The following KIF1B variants were observed in gnomAD, a reference collection of about 807,000 sequenced individuals.
KIF1B encodes kinesin-like protein KIF1B.
KIF1B carries 76 observed loss-of-function variants against 241.9 expected under a neutral mutation model. The ratio of observed to expected loss-of-function variants is 0.31; its 90% CI spans 0.26 to 0.38. The LOEUF is 0.38. Ranked by LOEUF, KIF1B falls within the 10% of genes least tolerant of loss-of-function variation. The pLI, the probability that KIF1B is intolerant of heterozygous loss-of-function variation, is 1.00. For synonymous variants in KIF1B, 750 were observed against 796.7 expected (o/e 0.94, Z 0.99); for missense variants, 1,622 against 2,271.4 (o/e 0.71, Z 5.81).
Position 10,377,136 on chromosome 1 carries a change from T to C in KIF1B, c.*549T>C, listed in dbSNP as rs1324518389. ...TTAGAACCTGAGAGGAAAAAAAGAG[T>C]CTTTTTTTCCCCTCTGTCTCTTTTT... On this transcript the variant is annotated 3_prime_UTR_variant, in exon 49 of 49. Transcript: ENST00000676179. 4.2e-6 allele frequency: 1 copy of C among 240,222 alleles called. No individual in the cohort carries two copies. The highest frequency in any genetic ancestry group is 2.2e-5 in the African/African-American group (1 of 45,068). 14.9% of individuals were successfully genotyped at this position (240,222 alleles called of 1,614,324 possible). A position where few individuals can be genotyped will look rare whatever the true frequency, so the allele number is the denominator to read the frequency against.
chr1:10,276,517 C>T, intron 12 of KIF1B, 118 bp downstream of exon 12: 1 of 739,806 alleles, frequency 1.4e-6, no homozygotes, highest in South Asian at 1.5e-5. Flanking sequence ...ATGTTCCTTT[C>T]CTCTCATAAC....
chr1:10,279,726 C>T lies in KIF1B; in HGVS notation c.1222+588C>T, dbSNP rs535176616. Reference sequence around the variant, plus strand: ...TTTTTTTTTTTTTTTTAGACAGTCTCACTCTTGTCACCCAAGCTGGAGTGT... The same window carrying T: ...TTTTTTTTTTTTTTTTAGACAGTCTTACTCTTGTCACCCAAGCTGGAGTGT... On this transcript the variant is annotated intron_variant, in intron 14 of 48. Coordinates refer to ENST00000676179, the MANE Select transcript of KIF1B (RefSeq NM_001365951.3). 1.7e-3 allele frequency among the ~76,000 whole-genome samples: 207 copies of T among 118,646 alleles called. 2 individuals are homozygous for T. The highest frequency in any genetic ancestry group is 5.9e-3 in the African/African-American group (194 of 32,674). The allele number at this position is 118,646 out of a possible 152,430, so 77.8% of individuals were successfully genotyped here. A position where few individuals can be genotyped will look rare whatever the true frequency, so the allele number is the denominator to read the frequency against.
At chr1:10,300,940 T>C (rs937622912) in intron 22 of KIF1B, among the ~76,000 whole-genome samples, 9 of 152,204 alleles carry the variant, frequency 5.9e-5, no homozygotes, top group Admixed American at 2.0e-4. Context: ...TCAATAGAAA[T>C]AATACAAATC....
intron 27 of KIF1B, among the ~76,000 whole-genome samples, chr1:10,333,996 C>A (rs1428802635): frequency 6.6e-6 from 1 of 151,040 alleles, no homozygotes; most frequent in Non-Finnish European, 1.5e-5. Flanking sequence ...ATTAAAAATA[C>A]AAAAATTAGC....
chr1:10,293,931 C>G (rs143272188), intron 17 of KIF1B, among the ~76,000 whole-genome samples: 1 of 152,158 alleles, frequency 6.6e-6, no homozygotes, highest in African/African-American at 2.4e-5. Flanking sequence ...TTCTGAGATT[C>G]CATTTTTCAA....
In KIF1B at chr1:10,375,796, T is replaced by G. The variant is rs867019036; in HGVS notation, c.5408+423T>G. 6.4e-3 allele frequency among the ~76,000 whole-genome samples: 835 copies of G among 130,676 alleles called. 5 individuals carry two copies. Among genetic ancestry groups the G allele is most frequent in the African/African-American group, 0.023 (784 of 33,920 alleles). The allele number at this position is 130,676 out of a possible 152,430, so 85.7% of individuals were successfully genotyped here. A position where few individuals can be genotyped will look rare whatever the true frequency, so the allele number is the denominator to read the frequency against. On this transcript the variant is annotated intron_variant, in intron 48 of 48. Transcript: ENST00000676179. ...CTTTTTTCTTTTCTTGTTTTTTTTT[T>G]TTTTTTTTTTTTTTGAGATGGAGTT...
chr1:10,215,172 ATTTTTTTTT>A (rs1166683802), intron 1 of KIF1B, among the ~76,000 whole-genome samples: 2 of 45,358 alleles, frequency 4.4e-5, no homozygotes, highest in Non-Finnish European at 7.5e-5. Flanking sequence ...ATATATATAT[ATTTTTTTTT>A]TTTTTTTTTT....
intron 41 of KIF1B, 85 bp downstream of exon 41, chr1:10,363,429 C>T (rs565439803): frequency 5.2e-6 from 6 of 1,153,812 alleles, no homozygotes; most frequent in Non-Finnish European, 6.5e-6. Context: ...CGGTGGCACA[C>T]ACCTGTAATC....
At chr1:10,282,729 G>A (rs1649473626) in intron 15 of KIF1B, among the ~76,000 whole-genome samples, 196 bp downstream of exon 15, 1 of 151,622 alleles carries the variant, frequency 6.6e-6, no homozygotes, top group Non-Finnish European at 1.5e-5. Flanking sequence ...TGGCCAGGCA[G>A]AGTTGGGAGA....
At chr1:10,229,024 A>G (rs1212680166) in intron 1 of KIF1B, among the ~76,000 whole-genome samples, 7 of 152,140 alleles carry the variant, frequency 4.6e-5, no homozygotes, top group Admixed American at 3.9e-4. Flanking sequence ...AGTTAAGATG[A>G]TGGCTGTATT....
intron 47 of KIF1B, 56 bp downstream of exon 47, chr1:10,375,102 T>A: frequency 6.3e-7 from 1 of 1,579,462 alleles, no homozygotes; most frequent in Non-Finnish European, 8.7e-7. Flanking sequence ...CTCTTTTGAT[T>A]TCTGCACTCT....
intron 15 of KIF1B, among the ~76,000 whole-genome samples, chr1:10,283,187 A>G (rs889634340): frequency 1.3e-4 from 17 of 131,802 alleles, no homozygotes; most frequent in Admixed American, 5.2e-4. Context: ...AGCCTGGGGG[A>G]CACAGTGAGA....
chr1:10,297,148 ATTT>A (rs58344165), intron 21 of KIF1B, 23 bp from the exon 22 acceptor site: 385 of 1,525,954 alleles, frequency 2.5e-4, no homozygotes, highest in Admixed American at 2.9e-4. Context: ...GCATTCTTGA[ATTT>A]TTTTTTTTTT....
At chr1:10,240,061 T>C (rs34565762) in intron 2 of KIF1B, among the ~76,000 whole-genome samples, 51,244 of 151,606 alleles carry the variant, frequency 0.34, 8,742 homozygotes, top group Admixed American at 0.38. Flanking sequence ...CCACCATGCC[T>C]AGCTGCTAAT....
intron 29 of KIF1B, 57 bp downstream of exon 29, chr1:10,336,799 T>C (rs565277935): frequency 4.2e-5 from 63 of 1,487,092 alleles, no homozygotes; most frequent in African/African-American, 8.3e-5. Flanking sequence ...ATGTTCAGCA[T>C]TGGAGATCAG....
Position 10,268,202 on chromosome 1 carries a change from T to C in KIF1B, c.659T>C (p.Val220Ala). The C allele has an allele frequency of 6.2e-7, 1 of 1,614,090 alleles. No individual in the cohort carries two copies. The highest frequency in any genetic ancestry group is 8.5e-7 in the Non-Finnish European group (1 of 1,179,948). Reference sequence around the variant, plus strand: ...GAAACAAGTAGCCGTTCCCACGCTGTGTTTACGATTGTTTTCACCCAGAAG... The same window carrying C: ...GAAACAAGTAGCCGTTCCCACGCTGCGTTTACGATTGTTTTCACCCAGAAG... Reference protein sequence around the residue: ...MNETSSRSHAVFTIVFTQKKH... With the variant: ...MNETSSRSHAAFTIVFTQKKH... Residue 220 changes from valine to alanine, a missense_variant, in exon 7 of 49, where the codon GTG becomes GCG. By Grantham distance (64) the Val-to-Ala change is moderately conservative. Coordinates refer to ENST00000676179, the MANE Select transcript of KIF1B (RefSeq NM_001365951.3).
chr1:10,323,076 GGTCT>G (rs1371892657), intron 24 of KIF1B, among the ~76,000 whole-genome samples: 1 of 152,082 alleles, frequency 6.6e-6, no homozygotes, highest in Non-Finnish European at 1.5e-5. Context: ...TGCCTAGGCT[GGTCT>G]CAAACTCCTG....
At chr1:10,296,813 A>T in intron 20 of KIF1B, 84 bp from the exon 21 acceptor site, 1 of 1,391,400 alleles carries the variant, frequency 7.2e-7, no homozygotes, top group Non-Finnish European at 1.0e-6. Context: ...CTGTCTTTTC[A>T]CATTAGGGAG....
intron 1 of KIF1B, among the ~76,000 whole-genome samples, chr1:10,213,755 A>G (rs146636364): frequency 7.2e-4 from 110 of 152,280 alleles, no homozygotes; most frequent in African/African-American, 2.5e-3. Context: ...GTGTGAATAA[A>G]TATGCATACT....
Sources: allele counts gnomAD v4.1 joint callset (sites outside exome capture counted in the v4.1 genomes callset), GRCh38; gene constraint gnomAD v4.1.1; transcripts MANE v1.5; gene names NCBI Gene and HGNC (gene_info 2026-07-23, HGNC 2026-07-21).